Variants in ST3GAL5 observed in about 807,000 individuals in gnomAD.
The protein encoded by ST3GAL5 is lactosylceramide alpha-2,3-sialyltransferase.
A neutral mutation model predicts 46.1 loss-of-function variants in ST3GAL5; 25 were observed. That is an observed-to-expected ratio of 0.54 (90% CI 0.40 to 0.76). The LOEUF (loss-of-function observed/expected upper bound fraction) is 0.76. Ranked by LOEUF, ST3GAL5 falls within the 30% of genes least tolerant of loss-of-function variation. The probability of loss-of-function intolerance (pLI) is 0.00; values close to 1 mark genes in which losing one functional copy is unlikely to be tolerated. For missense variants in ST3GAL5, 431 were observed against 521.2 expected, an observed-to-expected ratio of 0.83 and a Z score of 1.69; for synonymous variants, 182 against 192.7, an observed-to-expected ratio of 0.94 and a Z score of 0.46.
intron 1 of ST3GAL5, among the ~76,000 whole-genome samples, chr2:85,881,841 G>A (rs1167254039): frequency 6.6e-6 from 1 of 152,244 alleles, no homozygotes; most frequent in Non-Finnish European, 1.5e-5. Context: ...GCAGAAATTT[G>A]CATAAGTAGC....
rs566819697 is a variant in ST3GAL5, at chr2:85,857,784, A to G, written c.318+3397T>C. On this transcript the variant is annotated intron_variant, in intron 3 of 6. Coordinates refer to ENST00000638572, the MANE Select transcript of ST3GAL5 (RefSeq NM_003896.4). Reference sequence around the variant, plus strand: ...GAGGGAAGCAATATATTAGATTCAAATTGTAGAACACGACTACTCCGGCCA... The same window carrying G: ...GAGGGAAGCAATATATTAGATTCAAGTTGTAGAACACGACTACTCCGGCCA... Among the ~76,000 whole-genome samples, 55 of 152,240 alleles carry G rather than the reference A, an allele frequency of 3.6e-4. 1 individual carries two copies. The highest frequency in any genetic ancestry group is 3.5e-3 in the Admixed American group (53 of 15,290).
intron 6 of ST3GAL5, among the ~76,000 whole-genome samples, chr2:85,843,700 A>G (rs984303672): frequency 6.6e-6 from 1 of 152,250 alleles, no homozygotes; most frequent in African/African-American, 2.4e-5. Context: ...ATTCAGATCA[A>G]GAAGCCGCAA....
chr2:85,839,978 G>GA lies in ST3GAL5; in HGVS notation c.*165dup, dbSNP rs199523253. 1,224 of 915,632 alleles carry GA rather than the reference G, an allele frequency of 1.3e-3. No homozygotes were observed. The highest frequency in any genetic ancestry group is 1.7e-3 in the Non-Finnish European group (1,028 of 618,062). 56.7% of individuals were successfully genotyped at this position (915,632 alleles called of 1,614,324 possible). The stretch of plus-strand genomic sequence containing the variant: ...ACAAACACTGACCTCAAATAAATAG[G>GA]AAAAAAAAAGTGGGAAGAGCTAAAA... On this transcript the variant is annotated 3_prime_UTR_variant, in exon 7 of 7. Coordinates refer to ENST00000638572, the MANE Select transcript of ST3GAL5 (RefSeq NM_003896.4).
chr2:85,857,608 G>C (rs193129677), intron 3 of ST3GAL5, among the ~76,000 whole-genome samples: 41 of 151,878 alleles, frequency 2.7e-4, no homozygotes, highest in African/African-American at 9.4e-4. Context: ...GGGGTTGAGT[G>C]TGCCTAAAAT....
At chr2:85,877,627 G>A (rs988194677) in intron 1 of ST3GAL5, among the ~76,000 whole-genome samples, 5 of 152,192 alleles carry the variant, frequency 3.3e-5, no homozygotes, top group African/African-American at 9.6e-5. Flanking sequence ...TTTTCCCTTC[G>A]TAATTAATAA....
intron 1 of ST3GAL5, chr2:85,888,271 G>C (rs529657010): frequency 6.6e-6 from 1 of 152,426 alleles, no homozygotes; most frequent in African/African-American, 2.4e-5. Context: ...TCAAGCCACG[G>C]CTTACAATTC....
chr2:85,839,976 A>T lies in ST3GAL5; in HGVS notation c.*168T>A, dbSNP rs1342684378. ...AAACAAACACTGACCTCAAATAAAT[A>T]GGAAAAAAAAAGTGGGAAGAGCTAA... On this transcript the variant is annotated 3_prime_UTR_variant, in exon 7 of 7. Coordinates refer to ENST00000638572, the MANE Select transcript of ST3GAL5 (RefSeq NM_003896.4). The T allele has an allele frequency of 1.5e-5, 14 of 909,558 alleles. No individual in the cohort carries two copies. In the East Asian group the frequency reaches 3.7e-4, roughly 24 times the overall value. The allele number at this position is 909,558 out of a possible 1,614,324, so 56.3% of individuals were successfully genotyped here. A position where few individuals can be genotyped will look rare whatever the true frequency, so the allele number is the denominator to read the frequency against.
chr2:85,847,725 G>T (rs1682975221), intron 4 of ST3GAL5, 136 bp downstream of exon 4: 4 of 1,369,274 alleles, frequency 2.9e-6, no homozygotes, highest in Non-Finnish European at 3.9e-6. Flanking sequence ...AGCCTGGGAA[G>T]TTGAGGCTGC....
chr2:85,888,720 A>T, intron 1 of ST3GAL5, 104 bp downstream of exon 1: 1 of 928,378 alleles, frequency 1.1e-6, no homozygotes, highest in Non-Finnish European at 1.4e-6. Flanking sequence ...GCGGGGTTCG[A>T]GGCGGAAACG....
At chr2:85,846,185 C>T (rs1682776028) in intron 5 of ST3GAL5, 192 bp downstream of exon 5, 4 of 595,796 alleles carry the variant, frequency 6.7e-6, no homozygotes, top group South Asian at 4.0e-5. Context: ...GCCTGGACAA[C>T]AGAATGAGAC....
Position 85,881,640 on chromosome 2 carries a change from T to C in ST3GAL5, c.82+7184A>G, listed in dbSNP as rs1309926976. On this transcript the variant is annotated intron_variant, in intron 1 of 6. Coordinates refer to ENST00000638572, the MANE Select transcript of ST3GAL5 (RefSeq NM_003896.4). ...CGTAGAAATGTGTGGAACTTTGAAG[T>C]TGAGAGAGATGATTTAGGGTATCTG... Among the ~76,000 whole-genome samples the C allele has an allele frequency of 2.6e-5, 4 of 152,130 alleles. No individual in the cohort carries two copies. The South Asian group carries it at 6.2e-4, about 24-fold the overall frequency.
At chr2:85,864,199 G>GTT (rs1260982177) in intron 1 of ST3GAL5, among the ~76,000 whole-genome samples, 1 of 152,122 alleles carries the variant, frequency 6.6e-6, no homozygotes, top group Non-Finnish European at 1.5e-5. Flanking sequence ...TGGTACTATA[G>GTT]TTTTGCAGGA....
chr2:85,859,505 C>T (rs975212017), intron 3 of ST3GAL5, among the ~76,000 whole-genome samples: 5 of 152,198 alleles, frequency 3.3e-5, no homozygotes, highest in Admixed American at 3.3e-4. Flanking sequence ...ACACATCCTA[C>T]TCGACCAAAG....
intron 3 of ST3GAL5, among the ~76,000 whole-genome samples, chr2:85,858,464 C>T (rs1306939248): frequency 6.6e-6 from 1 of 152,202 alleles, no homozygotes; most frequent in African/African-American, 2.4e-5. Flanking sequence ...GTGCCTGCCA[C>T]CACGCCCAGC....
intron 1 of ST3GAL5, among the ~76,000 whole-genome samples, chr2:85,867,351 T>G (rs1473525114): frequency 6.6e-6 from 1 of 152,214 alleles, no homozygotes; most frequent in Non-Finnish European, 1.5e-5. Context: ...TCCTGGGACA[T>G]TCATATGCAT....
At position 85,848,190 on chromosome 2, in the gene ST3GAL5, A is replaced by G. The variant is rs368298013; in HGVS notation, c.333T>C (p.Tyr111=). ...DPDHVKRAQK[Y]AQQVLQKECR... ...ATTCCTTCTGCAAGACTTGCTGAGC[A>G]TATTTCTGAGCTCTCTGGAATGAAA... Residue 111 remains tyrosine (Y), a synonymous_variant, in exon 4 of 7, where the codon TAT becomes TAC. Transcript: ENST00000638572. 2.5e-6 allele frequency: 4 copies of G among 1,614,238 alleles called. No homozygotes were observed. Among genetic ancestry groups the G allele is most frequent in the East Asian group, 2.2e-5 (1 of 44,890 alleles).
chr2:85,885,506 A>G (rs1447876406), intron 1 of ST3GAL5, among the ~76,000 whole-genome samples: 1 of 152,182 alleles, frequency 6.6e-6, no homozygotes, highest in Non-Finnish European at 1.5e-5. Context: ...ATCAGCGAAC[A>G]GTGAGGAACT....
intron 6 of ST3GAL5, 54 bp from the exon 7 acceptor site, chr2:85,840,446 C>T: frequency 1.3e-6 from 2 of 1,599,158 alleles, no homozygotes; most frequent in South Asian, 1.1e-5. Context: ...GCACAAGTCA[C>T]CATTTTGCTG....
At chr2:85,878,949 G>A (rs1686867744) in intron 1 of ST3GAL5, among the ~76,000 whole-genome samples, 1 of 152,198 alleles carries the variant, frequency 6.6e-6, no homozygotes, top group African/African-American at 2.4e-5. Flanking sequence ...ATTCCAGACA[G>A]AAGGAAGGTA....
Sources: allele counts gnomAD v4.1 joint callset (sites outside exome capture counted in the v4.1 genomes callset), GRCh38; gene constraint gnomAD v4.1.1; transcripts MANE v1.5; gene names NCBI Gene and HGNC (gene_info 2026-07-23, HGNC 2026-07-21).